DNAH5: variants seen among roughly 807,000 people sequenced by gnomAD.
DNAH5 encodes the protein dynein axonemal heavy chain 5, also known as axonemal beta dynein heavy chain 5.
DNAH5 carries 372 observed loss-of-function variants against 518.2 expected under a neutral mutation model. The observed-to-expected ratio is 0.72, with a 90% CI of 0.66 to 0.78. DNAH5 has a LOEUF of 0.78. DNAH5 is among the 30% of genes least tolerant of loss of function. DNAH5 has a pLI of 0.00. For synonymous variants in DNAH5, 2,039 were observed against 2,025.9 expected (o/e 1.01, Z -0.17); for missense variants, 5,523 against 5,687.0 (o/e 0.97, Z 0.93).
intron 65 of DNAH5, among the ~76,000 whole-genome samples, chr5:13,745,271 G>A (rs915376876): frequency 2.6e-5 from 4 of 151,946 alleles, no homozygotes; most frequent in Admixed American, 2.0e-4. Flanking sequence ...GTTCAAAATG[G>A]TCTAGATACA....
rs559556230 is a variant in DNAH5 at position 13,873,331 on chromosome 5, TTGTTAC to T, written c.3397-1572_3397-1567del. Among the ~76,000 whole-genome samples the T allele has an allele frequency of 8.2e-3, 1,247 of 152,248 alleles. 25 individuals are homozygous for T. The highest frequency in any genetic ancestry group is 0.029 in the African/African-American group (1,204 of 41,556). ...TAAATATGTGAATATTTCACTAAGA[TTGTTAC>T]TGTTACTATTTTACTATGATTATTA... On this transcript the variant is annotated intron_variant, in intron 22 of 78. Coordinates refer to ENST00000265104, the MANE Select transcript of DNAH5 (RefSeq NM_001369.3).
chr5:13,734,070 G>A (rs1317536817), intron 68 of DNAH5, among the ~76,000 whole-genome samples: 2 of 152,082 alleles, frequency 1.3e-5, no homozygotes, highest in African/African-American at 4.8e-5. Context: ...TGAGGCCATT[G>A]AGACATAATT....
chr5:13,742,322 A>C (rs1748681942), intron 65 of DNAH5, among the ~76,000 whole-genome samples: 1 of 152,074 alleles, frequency 6.6e-6, no homozygotes, highest in Non-Finnish European at 1.5e-5. Flanking sequence ...TTTCAACCAC[A>C]TAACCACTGC....
intron 78 of DNAH5, among the ~76,000 whole-genome samples, chr5:13,694,326 A>G (rs904151569): frequency 1.3e-5 from 2 of 152,250 alleles, no homozygotes; most frequent in African/African-American, 2.4e-5. Context: ...GCGTGCAGCA[A>G]ATTTCTGCGG....
intron 1 of DNAH5, among the ~76,000 whole-genome samples, chr5:14,008,982 C>T (rs1329259824): frequency 6.6e-6 from 1 of 152,236 alleles, no homozygotes; most frequent in African/African-American, 2.4e-5. Flanking sequence ...GATCCATGTC[C>T]TGTCTCGAAG....
chr5:13,742,163 T>A (rs1461804975), intron 65 of DNAH5, among the ~76,000 whole-genome samples: 7 of 152,150 alleles, frequency 4.6e-5, no homozygotes, highest in Admixed American at 4.6e-4. Flanking sequence ...ATAAAGTAGC[T>A]GAAAAGGGAT....
chr5:13,908,456 C>T (rs1276298669), intron 12 of DNAH5, among the ~76,000 whole-genome samples: 3 of 152,188 alleles, frequency 2.0e-5, no homozygotes, highest in Non-Finnish European at 2.9e-5. Context: ...CCTATGGCTT[C>T]GCAAAGGCCT....
In DNAH5 at chr5:13,865,897, C is replaced by T. The variant is rs867862685; in HGVS notation, c.4126G>A (p.Asp1376Asn). The change falls in exon 27 of 79, where the codon GAT becomes AAT. Residue 1376 changes from aspartate to asparagine, a missense_variant. Around this residue, in one of 3 missense-constraint regions of DNAH5, gnomAD observed 5,121 missense variants for 5,223.3 expected, o/e 0.98. Coordinates refer to ENST00000265104, the MANE Select transcript of DNAH5 (RefSeq NM_001369.3). ...GTGATGTATTTCCGATAGATATTAT[C>T]AAATTGATTCTAATAAAAACACAAG... Reference protein sequence around the residue: ...DRLIMFQNQFDNIYRKYITYT... With the variant: ...DRLIMFQNQFNNIYRKYITYT... 6.3e-7 allele frequency: 1 copy of T among 1,585,192 alleles called. No individual in the cohort carries two copies. The highest frequency in any genetic ancestry group is 1.1e-5 in the South Asian group (1 of 90,260).
At chr5:13,974,962 G>C (rs1050517180) in intron 1 of DNAH5, among the ~76,000 whole-genome samples, 2 of 152,182 alleles carry the variant, frequency 1.3e-5, no homozygotes, top group Admixed American at 6.5e-5. Context: ...GAGCTGGGGA[G>C]TATTGATGAG....
In DNAH5 at chr5:13,894,650, T is replaced by C. The variant is rs1486371038; in HGVS notation, c.2431A>G (p.Lys811Glu). 1.9e-6 allele frequency: 3 copies of C among 1,613,816 alleles called. No individual in the cohort carries two copies. Among genetic ancestry groups the C allele is most frequent in the African/African-American group, 2.7e-5 (2 of 74,940 alleles). The change falls in exon 16 of 79, where the codon AAG (lysine) becomes GAG (glutamate). Residue 811 changes from lysine (K) to glutamate (E), a missense_variant and splice_region_variant. By Grantham distance (56) the Lys-to-Glu change is moderately conservative. Coordinates refer to ENST00000265104, the MANE Select transcript of DNAH5 (RefSeq NM_001369.3). Reference sequence around the variant, plus strand: ...ATACTAATTATTCAGGCAGACTTACTGATCTTTGCAAAAGTGTTTTCTAAA... The same window carrying C: ...ATACTAATTATTCAGGCAGACTTACCGATCTTTGCAAAAGTGTTTTCTAAA... ...AYLENTFAKI[K>E]DLELLLDRVN...
At chr5:13,730,209 C>G (rs1746293823) in intron 68 of DNAH5, among the ~76,000 whole-genome samples, 1 of 152,154 alleles carries the variant, frequency 6.6e-6, no homozygotes, top group Admixed American at 6.5e-5. Flanking sequence ...TGATGATTTA[C>G]CAAAGCTCAT....
chr5:13,961,128 T>G (rs1215491280), intron 1 of DNAH5, among the ~76,000 whole-genome samples: 1 of 152,136 alleles, frequency 6.6e-6, no homozygotes, highest in African/African-American at 2.4e-5. Flanking sequence ...GCTGAATAAG[T>G]TTTTCTATAC....
At chr5:13,937,747 A>G (rs915152832) in intron 1 of DNAH5, among the ~76,000 whole-genome samples, 1 of 152,146 alleles carries the variant, frequency 6.6e-6, no homozygotes, top group Non-Finnish European at 1.5e-5. Context: ...GAGAAAGAGA[A>G]AGAGATCTGA....
chr5:13,780,718 AAAATGAC>A, intron 53 of DNAH5, 104 bp downstream of exon 53: 1 of 1,240,444 alleles, frequency 8.1e-7, no homozygotes, highest in Non-Finnish European at 1.2e-6. Context: ...TTCAAGAAGG[AAAATGAC>A]TGTGACTCTT....
At chr5:13,795,783 T>C (rs1033154183) in intron 47 of DNAH5, among the ~76,000 whole-genome samples, 6 of 152,302 alleles carry the variant, frequency 3.9e-5, no homozygotes, top group Admixed American at 1.3e-4. Flanking sequence ...CTGATGAACA[T>C]TGATGCGAAA....
intron 52 of DNAH5, among the ~76,000 whole-genome samples, chr5:13,783,833 A>G (rs891104827): frequency 6.6e-6 from 1 of 152,228 alleles, no homozygotes; most frequent in East Asian, 1.9e-4. Flanking sequence ...GGCTCACAGC[A>G]GCATGACACA....
intron 1 of DNAH5, among the ~76,000 whole-genome samples, chr5:13,955,943 A>C (rs16902966): frequency 0.076 from 11,492 of 152,198 alleles, 739 homozygotes; most frequent in African/African-American, 0.17. Context: ...AGGGGAGGGA[A>C]AGTCCTTGCC....
At chr5:13,970,979 T>G (rs1176392982) in intron 1 of DNAH5, among the ~76,000 whole-genome samples, 1 of 152,154 alleles carries the variant, frequency 6.6e-6, no homozygotes, top group African/African-American at 2.4e-5. Context: ...CTTTGTTCAT[T>G]TTTTTTCTTT....
chr5:13,899,485 A>G (rs1382326426), intron 15 of DNAH5: 1 of 152,372 alleles, frequency 6.6e-6, no homozygotes, highest in Non-Finnish European at 1.5e-5. Flanking sequence ...ACTGAACTCC[A>G]GACTTAAGTA....
Sources: allele counts gnomAD v4.1 joint callset (sites outside exome capture counted in the v4.1 genomes callset), GRCh38; gene constraint gnomAD v4.1.1; regional missense constraint gnomAD v4.1.1; transcripts MANE v1.5; gene names NCBI Gene and HGNC (gene_info 2026-07-23, HGNC 2026-07-21).